CHEK1: variants seen among roughly 807,000 people sequenced by gnomAD.
CHEK1 encodes checkpoint kinase 1, also known as serine/threonine-protein kinase Chk1.
CHEK1 carries 32 observed loss-of-function variants against 60.2 expected under a neutral mutation model. The ratio of observed to expected loss-of-function variants is 0.53; its 90% CI spans 0.40 to 0.71. The LOEUF (loss-of-function observed/expected upper bound fraction) is 0.71, where lower values mean the gene tolerates loss of function less well. CHEK1 is among the 30% of genes least tolerant of loss of function. The pLI is 0.00. For synonymous variants in CHEK1, 179 were observed against 187.2 expected, an observed-to-expected ratio of 0.96 and a Z score of 0.36; for missense variants, 399 against 564.6, an observed-to-expected ratio of 0.71 and a Z score of 2.97.
chr11:125,671,520 G>A (rs1255702439), intron 13 of CHEK1: 1 of 152,140 alleles, frequency 6.6e-6, no homozygotes, highest in Non-Finnish European at 1.5e-5. Flanking sequence ...TGGGGAAGGG[G>A]TCATGATGTG....
At chr11:125,645,669 G>C (rs369607781) in intron 11 of CHEK1, among the ~76,000 whole-genome samples, 7 of 152,120 alleles carry the variant, frequency 4.6e-5, no homozygotes, top group African/African-American at 1.7e-4. Context: ...GAATGCCCTT[G>C]TTCAAAGGAG....
Position 125,625,969 on chromosome 11 carries a change from G to A in CHEK1, c.-64G>A, listed in dbSNP as rs1406936040. On this transcript the variant is annotated 5_prime_UTR_variant, in exon 1 of 13. Coordinates refer to ENST00000438015, the MANE Select transcript of CHEK1 (RefSeq NM_001114122.3). The stretch of plus-strand genomic sequence containing the variant: ...ACGCCCTCAAGTTTTGGCGGGAAAA[G>A]CGCTGCATTTGGATTCCTGCAGTGG... 1.7e-5 allele frequency: 12 copies of A among 702,514 alleles called. No homozygotes were observed. Among genetic ancestry groups the A allele is most frequent in the Admixed American group, 1.4e-4 (7 of 50,008 alleles). The allele number at this position is 702,514 out of a possible 1,614,324, so 43.5% of individuals were successfully genotyped here.
In CHEK1 at chr11:125,644,258, G is replaced by C; in HGVS notation, c.1091G>C (p.Gly364Ala). Residue 364 changes from glycine (G) to alanine (A), a missense_variant, in exon 10 of 13, where the codon GGA becomes GCA. By Grantham distance (60) the Gly-to-Ala change is moderately conservative. Coordinates refer to ENST00000438015, the MANE Select transcript of CHEK1 (RefSeq NM_001114122.3). ...AATAGTCAGTTACTTGGCACCCCAG[G>C]ATCCTCACAGGTGAGGGAATTTAAT... ...LLNSQLLGTP[G>A]SSQNPWQRLV... The C allele has an allele frequency of 1.2e-6, 2 of 1,612,304 alleles. No individual in the cohort carries two copies. Among genetic ancestry groups the C allele is most frequent in the Non-Finnish European group, 1.7e-6 (2 of 1,179,572 alleles).
At chr11:125,633,114 A>G in intron 5 of CHEK1, 49 bp from the exon 6 acceptor site, 3 of 1,472,208 alleles carry the variant, frequency 2.0e-6, no homozygotes, top group Non-Finnish European at 2.7e-6. Context: ...AAGTATATCT[A>G]TTTGCAAAAC....
At chr11:125,631,860 T>C (rs1940873894) in intron 5 of CHEK1, among the ~76,000 whole-genome samples, 1 of 35,472 alleles carries the variant, frequency 2.8e-5, no homozygotes, top group Non-Finnish European at 4.8e-5. Context: ...AGACACTTTC[T>C]CAAAAAAAAA....
At chr11:125,672,785 T>C (rs1942265305) in intron 13 of CHEK1, 1 of 1,588,510 alleles carries the variant, frequency 6.3e-7, no homozygotes, top group African/African-American at 1.3e-5. Flanking sequence ...TTATCTGTGA[T>C]GCTCAGTGTC....
At chr11:125,673,089 A>T (rs1038721810) in intron 13 of CHEK1, among the ~76,000 whole-genome samples, 1 of 152,020 alleles carries the variant, frequency 6.6e-6, no homozygotes, top group South Asian at 2.1e-4. Flanking sequence ...TGACCCTACT[A>T]TGCCGAAACC....
chr11:125,655,222 T>C lies in CHEK1; in HGVS notation c.1336-3T>C, dbSNP rs769861616. ...TAATTTTTTAATACTATTTCTAATA[T>C]AGGGTGATGGATTGGAGTTCAAGAG... is the stretch of plus-strand genomic sequence containing the variant. On this transcript the variant is annotated splice_polypyrimidine_tract_variant and splice_region_variant and intron_variant, in intron 12 of 12. Coordinates refer to ENST00000438015, the MANE Select transcript of CHEK1 (RefSeq NM_001114122.3). 6.2e-7 allele frequency: 1 copy of C among 1,605,206 alleles called. No individual in the cohort carries two copies. Among genetic ancestry groups the C allele is most frequent in the Admixed American group, 1.7e-5 (1 of 59,396 alleles).
chr11:125,674,231 G>C (rs1422016183), intron 13 of CHEK1, among the ~76,000 whole-genome samples: 1 of 152,170 alleles, frequency 6.6e-6, no homozygotes. Flanking sequence ...AGAGCTGAGA[G>C]AGATAAAAAT....
At chr11:125,664,721 G>T (rs904504675) in intron 13 of CHEK1, among the ~76,000 whole-genome samples, 1 of 152,070 alleles carries the variant, frequency 6.6e-6, no homozygotes, top group Admixed American at 6.6e-5. Context: ...CTCCCATTCT[G>T]TAGGTTGTCT....
At chr11:125,647,895 T>C (rs1441805586) in intron 11 of CHEK1, among the ~76,000 whole-genome samples, 1 of 152,228 alleles carries the variant, frequency 6.6e-6, no homozygotes, top group Admixed American at 6.5e-5. Flanking sequence ...GTTTGTCACA[T>C]GATGTCAGCA....
chr11:125,634,647 C>G (rs1308197387), intron 6 of CHEK1, among the ~76,000 whole-genome samples: 1 of 137,648 alleles, frequency 7.3e-6, no homozygotes, highest in East Asian at 2.3e-4. Context: ...GCACACAAGC[C>G]CTTATTAGAC....
rs1941118910 is a variant in CHEK1, at chr11:125,637,478, C to G, written c.748C>G (p.Pro250Ala). 2 of 1,607,254 alleles carry G rather than the reference C, an allele frequency of 1.2e-6. No homozygotes were observed. The highest frequency in any genetic ancestry group is 1.7e-6 in the Non-Finnish European group (2 of 1,176,554). ...GCTGCATAAAATCTTAGTTGAGAAT[C>G]CATCAGCAAGAATTACCATTCCAGA... is the stretch of plus-strand genomic sequence containing the variant. Reference protein sequence around the residue: ...ALLHKILVENPSARITIPDIK... With the variant: ...ALLHKILVENASARITIPDIK... Residue 250 changes from proline (P) to alanine (A), a missense_variant, in exon 8 of 13, where the codon CCA becomes GCA. This residue lies in a region of CHEK1 where 370 missense variants were observed against 494.8 expected (regional missense o/e 0.75). Transcript: ENST00000438015.
intron 13 of CHEK1, among the ~76,000 whole-genome samples, chr11:125,673,212 C>CTTTTT (rs11434532): frequency 1.6e-5 from 2 of 126,840 alleles, no homozygotes; most frequent in African/African-American, 6.2e-5. Flanking sequence ...CTTTTCTTTT[C>CTTTTT]TTTTTTTTTT....
chr11:125,649,472 C>G (rs1476690044), intron 11 of CHEK1, among the ~76,000 whole-genome samples: 1 of 152,010 alleles, frequency 6.6e-6, no homozygotes, highest in Non-Finnish European at 1.5e-5. Context: ...ACCTGTAATT[C>G]CAGCACTTTA....
intron 10 of CHEK1, 42 bp downstream of exon 10, chr11:125,644,310 T>G (rs778900318): frequency 1.2e-5 from 18 of 1,559,136 alleles, no homozygotes; most frequent in African/African-American, 2.8e-5. Flanking sequence ...CAGCTCTTTA[T>G]TTTTTATTGT....
At chr11:125,635,392 GAAC>G in intron 6 of CHEK1, 34 bp from the exon 7 acceptor site, 1 of 1,214,586 alleles carries the variant, frequency 8.2e-7, no homozygotes, top group Non-Finnish European at 1.2e-6. Context: ...TTTATAATAA[GAAC>G]ATTTAAAAAA....
At chr11:125,627,541 T>A in intron 2 of CHEK1, 66 bp from the exon 3 acceptor site, 1 of 1,359,098 alleles carries the variant, frequency 7.4e-7, no homozygotes, top group Non-Finnish European at 1.0e-6. Context: ...GGATGAGTCA[T>A]GTTTAATCTT....
intron 5 of CHEK1, 119 bp from the exon 6 acceptor site, chr11:125,633,044 G>A (rs1940927096): frequency 1.2e-6 from 1 of 802,694 alleles, no homozygotes; most frequent in Non-Finnish European, 1.9e-6. Flanking sequence ...TATTTTAAGA[G>A]AAGTTCTACA....
Sources: allele counts gnomAD v4.1 joint callset (sites outside exome capture counted in the v4.1 genomes callset), GRCh38; gene constraint gnomAD v4.1.1; regional missense constraint gnomAD v4.1.1; transcripts MANE v1.5; gene names NCBI Gene and HGNC (gene_info 2026-07-23, HGNC 2026-07-21).